The following RANBP2 variants were observed in gnomAD, a reference collection of about 807,000 sequenced individuals.
The protein encoded by RANBP2 is E3 SUMO-protein ligase RanBP2.
In RANBP2, 57 loss-of-function variants were observed where a neutral mutation model predicts 303.6. The ratio of observed to expected loss-of-function variants is 0.19; its 90% CI spans 0.15 to 0.23. The LOEUF (loss-of-function observed/expected upper bound fraction) is 0.23, where lower values mean the gene tolerates loss of function less well. Ranked by LOEUF, RANBP2 falls within the 10% of genes least tolerant of loss-of-function variation. The pLI, the probability that RANBP2 is intolerant of heterozygous loss-of-function variation, is 1.00. For synonymous variants in RANBP2, 1,167 were observed against 1,301.5 expected (o/e 0.90, Z 2.23); for missense variants, 3,138 against 3,780.8 (o/e 0.83, Z 4.46).
At chr2:109,073,060 G>T in the RANBP2 span, among the ~76,000 whole-genome samples, 18 of 152,102 alleles carry the variant, frequency 1.2e-4, no homozygotes, top group Non-Finnish European at 2.5e-4. Flanking sequence ...ATAAATAAAA[G>T]AACAAGATAA....
chr2:109,244,005 T>G, the RANBP2 span, among the ~76,000 whole-genome samples: 4 of 152,170 alleles, frequency 2.6e-5, no homozygotes, highest in African/African-American at 9.7e-5. Context: ...TAGGTGAAGT[T>G]TTTGCCATCA....
At chr2:108,818,861 T>C in the RANBP2 span, among the ~76,000 whole-genome samples, 1 of 152,070 alleles carries the variant, frequency 6.6e-6, no homozygotes, top group Non-Finnish European at 1.5e-5. Context: ...ATAATTTACT[T>C]AAGGATGGAT....
chr2:108,964,723 C>T, the RANBP2 span, among the ~76,000 whole-genome samples: 4 of 152,302 alleles, frequency 2.6e-5, no homozygotes, highest in South Asian at 2.1e-4. Flanking sequence ...CCACACTCTC[C>T]GTTACGCCAC....
chr2:108,890,010 A>G, the RANBP2 span, among the ~76,000 whole-genome samples: 3 of 152,034 alleles, frequency 2.0e-5, no homozygotes, highest in Admixed American at 2.0e-4. Flanking sequence ...TCCCTTGAGC[A>G]TTTATTGTGG....
At chr2:109,029,742 C>CG in the RANBP2 span, among the ~76,000 whole-genome samples, 2 of 152,176 alleles carry the variant, frequency 1.3e-5, no homozygotes, top group Non-Finnish European at 2.9e-5. Context: ...CAGGGCCCCC[C>CG]GGCAGCCATC....
chr2:109,636,110 C>T, the RANBP2 span, among the ~76,000 whole-genome samples: 3 of 152,168 alleles, frequency 2.0e-5, no homozygotes, highest in Non-Finnish European at 4.4e-5. Context: ...AGGAAGTGAG[C>T]CCTTACCAGA....
At chr2:108,952,405 A>C in the RANBP2 span, among the ~76,000 whole-genome samples, 1 of 152,368 alleles carries the variant, frequency 6.6e-6, no homozygotes, top group South Asian at 2.1e-4. Context: ...TGAGGACATG[A>C]TGAAATTTTT....
the RANBP2 span, among the ~76,000 whole-genome samples, chr2:108,810,772 AG>A: frequency 6.6e-6 from 1 of 152,226 alleles, no homozygotes; most frequent in Middle Eastern, 3.2e-3. Flanking sequence ...GAAGTCATTG[AG>A]TGAATTTAAA....
chr2:109,490,580 G>A, the RANBP2 span: 1 of 1,409,572 alleles, frequency 7.1e-7, no homozygotes, highest in Non-Finnish European at 9.3e-7. Flanking sequence ...CACCTGTTTG[G>A]TTTCCATCTT....
At chr2:108,881,132 C>T in the RANBP2 span, among the ~76,000 whole-genome samples, 1 of 152,194 alleles carries the variant, frequency 6.6e-6, no homozygotes, top group Admixed American at 6.5e-5. Context: ...GCTGTTTCAT[C>T]TACATTGAAA....
the RANBP2 span, among the ~76,000 whole-genome samples, chr2:109,389,277 A>C: frequency 6.6e-6 from 1 of 152,212 alleles, no homozygotes; most frequent in Non-Finnish European, 1.5e-5. Flanking sequence ...CTCCTTGTGC[A>C]TCAGGTTCAC....
the RANBP2 span, among the ~76,000 whole-genome samples, chr2:109,692,641 A>T: frequency 2.6e-4 from 39 of 152,188 alleles, no homozygotes; most frequent in Non-Finnish European, 4.4e-5. Flanking sequence ...CCACTTCCCC[A>T]CTGCGGCCCG....
At chr2:109,612,093 C>G in the RANBP2 span, among the ~76,000 whole-genome samples, 1 of 151,962 alleles carries the variant, frequency 6.6e-6, no homozygotes, top group African/African-American at 2.4e-5. Context: ...AGATATCCTT[C>G]AAACTGTGGC....
chr2:109,196,398 G>A, the RANBP2 span, among the ~76,000 whole-genome samples: 2 of 152,322 alleles, frequency 1.3e-5, no homozygotes, highest in East Asian at 1.9e-4. Context: ...ATTTAATCCC[G>A]TGGCGGGCAG....
the RANBP2 span, among the ~76,000 whole-genome samples, chr2:109,004,445 G>A: frequency 6.6e-6 from 1 of 152,348 alleles, no homozygotes; most frequent in Middle Eastern, 3.4e-3. Context: ...CAGACACTCT[G>A]GGATGGGGCC....
chr2:109,389,488 C>T, the RANBP2 span, among the ~76,000 whole-genome samples: 79,238 of 152,024 alleles, frequency 0.52, 21,101 homozygotes, highest in South Asian at 0.61. Flanking sequence ...ACCACATGGA[C>T]GCATGCCAAT....
At chr2:109,472,542 G>A in the RANBP2 span, among the ~76,000 whole-genome samples, 15 of 152,192 alleles carry the variant, frequency 9.9e-5, no homozygotes, top group Admixed American at 5.9e-4. Flanking sequence ...CAGAAACCCC[G>A]ATCCAATTGA....
At chr2:108,746,317 A>G (rs1696519678) in intron 7 of RANBP2, among the ~76,000 whole-genome samples, 1 of 144,640 alleles carries the variant, frequency 6.9e-6, no homozygotes, top group African/African-American at 2.6e-5. Context: ...GGTTCAAACT[A>G]TCCTTGTGCC....
At chr2:108,962,939 G>A in the RANBP2 span, among the ~76,000 whole-genome samples, 2 of 152,192 alleles carry the variant, frequency 1.3e-5, no homozygotes, top group Admixed American at 1.3e-4. Context: ...AGGATAAGGA[G>A]AGAGCTACAG....
Sources: gnomAD v4.1 joint callset for allele counts (sites outside exome capture counted in the v4.1 genomes callset) on GRCh38, gnomAD v4.1.1 for gene constraint, MANE v1.5 for transcripts, NCBI Gene and HGNC (gene_info 2026-07-23, HGNC 2026-07-21) for gene names.